CCDC91: variants seen among roughly 807,000 people sequenced by gnomAD.
The protein encoded by CCDC91 is coiled-coil domain-containing protein 91.
A neutral mutation model predicts 63.2 loss-of-function variants in CCDC91; 48 were observed. The observed-to-expected ratio is 0.76, with a 90% CI of 0.60 to 0.97. The LOEUF (loss-of-function observed/expected upper bound fraction) is 0.97, where lower values mean the gene tolerates loss of function less well. Ranked by LOEUF, CCDC91 falls within the 50% of genes least tolerant of loss-of-function variation. CCDC91 has a pLI of 0.00. For missense variants in CCDC91, 500 were observed against 494.6 expected, an observed-to-expected ratio of 1.01 and a Z score of -0.10; for synonymous variants, 167 against 165.8, an observed-to-expected ratio of 1.01 and a Z score of -0.06.
In CCDC91 at chr12:28,357,002, A is replaced by T. The variant is rs540268108; in HGVS notation, c.577-5436A>T. On this transcript the variant is annotated intron_variant, in intron 6 of 12. Coordinates refer to ENST00000536442, the MANE Select transcript of CCDC91 (RefSeq NM_018318.5). ...CAGAGGATCCTGTTGCTATGCATGA[A>T]TTAATTTCTTAGAAGTGATTAGTAG... is the stretch of plus-strand genomic sequence containing the variant. Among the ~76,000 whole-genome samples, 122 of 152,288 alleles carry T rather than the reference A, an allele frequency of 8.0e-4. 2 individuals carry two copies. The highest frequency in any genetic ancestry group is 2.8e-3 in the African/African-American group (117 of 41,572).
At chr12:28,501,740 T>G (rs1286806613) in intron 12 of CCDC91, among the ~76,000 whole-genome samples, 1 of 151,940 alleles carries the variant, frequency 6.6e-6, no homozygotes, top group East Asian at 1.9e-4. Flanking sequence ...TTAGGGAGGA[T>G]TCCCTCTTTT....
At chr12:28,336,693 AAGT>A (rs1942007847) in intron 6 of CCDC91, among the ~76,000 whole-genome samples, 1 of 152,110 alleles carries the variant, frequency 6.6e-6, no homozygotes, top group South Asian at 2.1e-4. Context: ...TAAAACATGA[AAGT>A]AGACAGGAGA....
At chr12:28,417,034 C>T (rs1029066110) in intron 8 of CCDC91, among the ~76,000 whole-genome samples, 2 of 152,062 alleles carry the variant, frequency 1.3e-5, no homozygotes, top group African/African-American at 4.8e-5. Flanking sequence ...TACCACTCCT[C>T]CTCTTTCTAG....
intron 3 of CCDC91, among the ~76,000 whole-genome samples, chr12:28,289,699 T>TC (rs1204819833): frequency 5.1e-4 from 46 of 90,580 alleles, no homozygotes; most frequent in African/African-American, 1.3e-3. Flanking sequence ...TTTTTTTTTT[T>TC]TTTTTTTTTG....
chr12:28,352,541 A>C (rs1177830810), intron 6 of CCDC91, among the ~76,000 whole-genome samples: 1 of 152,090 alleles, frequency 6.6e-6, no homozygotes, highest in Non-Finnish European at 1.5e-5. Flanking sequence ...TCAAGAAACC[A>C]CTTTCTTTGT....
chr12:28,522,860 C>T (rs1163866646), intron 12 of CCDC91, among the ~76,000 whole-genome samples: 1 of 152,162 alleles, frequency 6.6e-6, no homozygotes, highest in Non-Finnish European at 1.5e-5. Flanking sequence ...GCAGGTTGTT[C>T]AGTTTCCATG....
In CCDC91 at chr12:28,462,708, T is replaced by G. The variant is rs879673083; in HGVS notation, c.1101+10054T>G. On this transcript the variant is annotated intron_variant, in intron 11 of 12. Transcript: ENST00000536442. Reference sequence around the variant, plus strand: ...CATAAAGACTATGCTATGTCATAAATATAGTCTGTGGTTTCAAAGGGATAT... The same window carrying G: ...CATAAAGACTATGCTATGTCATAAAGATAGTCTGTGGTTTCAAAGGGATAT... 9.2e-5 allele frequency among the ~76,000 whole-genome samples: 14 copies of G among 152,148 alleles called. No individual in the cohort carries two copies. In the East Asian group the frequency reaches 2.7e-3, roughly 29 times the overall value.
chr12:28,394,062 G>A (rs1592535129), intron 8 of CCDC91, among the ~76,000 whole-genome samples: 1 of 152,194 alleles, frequency 6.6e-6, no homozygotes, highest in Non-Finnish European at 1.5e-5. Context: ...ATGACGTAAC[G>A]AAATGGAAAG....
intron 7 of CCDC91, among the ~76,000 whole-genome samples, chr12:28,379,854 C>T (rs1394818679): frequency 1.1e-4 from 17 of 152,218 alleles, no homozygotes; most frequent in Non-Finnish European, 1.8e-4. Flanking sequence ...CACATGCACA[C>T]GTATGTTTAT....
intron 12 of CCDC91, among the ~76,000 whole-genome samples, chr12:28,523,770 G>A (rs1221193213): frequency 6.6e-6 from 1 of 152,086 alleles, no homozygotes; most frequent in Admixed American, 6.6e-5. Context: ...GGCAGGCCTG[G>A]TGTTGACAAA....
At chr12:28,228,213 A>G (rs775349538) in intron 1 of CCDC91, among the ~76,000 whole-genome samples, 8 of 152,044 alleles carry the variant, frequency 5.3e-5, no homozygotes, top group Non-Finnish European at 1.0e-4. Context: ...CCTTTTGGCT[A>G]TGTCTTTGCC....
chr12:28,336,817 A>C (rs1315560398), intron 6 of CCDC91, among the ~76,000 whole-genome samples: 1 of 152,146 alleles, frequency 6.6e-6, no homozygotes, highest in Non-Finnish European at 1.5e-5. Context: ...AGAGGAAAAA[A>C]AGTAGTCCTT....
In CCDC91 at chr12:28,335,131, A is replaced by G. The variant is rs1238289490; in HGVS notation, c.577-27307A>G. ...ATATACATTTATATTTTATACATAT[A>G]TTTATATTATATATATTTATAACAT... is the stretch of plus-strand genomic sequence containing the variant. On this transcript the variant is annotated intron_variant, in intron 6 of 12. Transcript: ENST00000536442. Among the ~76,000 whole-genome samples, 5 of 142,830 alleles carry G rather than the reference A, an allele frequency of 3.5e-5. No homozygotes were observed. In the East Asian group the frequency reaches 7.9e-4, roughly 23 times the overall value. The allele number at this position is 142,830 out of a possible 152,430, so 93.7% of individuals were successfully genotyped here. A position where few individuals can be genotyped will look rare whatever the true frequency, so the allele number is the denominator to read the frequency against.
intron 8 of CCDC91, chr12:28,412,856 A>G (rs1386794695): frequency 2.3e-6 from 1 of 443,730 alleles, no homozygotes; most frequent in African/African-American, 2.0e-5. Context: ...ATCCTCTTGT[A>G]AGACAGGAAA....
chr12:28,237,235 T>TACACACACACACACAAAC (rs1945012940), intron 1 of CCDC91, among the ~76,000 whole-genome samples: 1 of 143,024 alleles, frequency 7.0e-6, no homozygotes, highest in Non-Finnish European at 1.5e-5. Flanking sequence ...GTATTACACA[T>TACACACACACACACAAAC]ACACACACAC....
intron 8 of CCDC91, among the ~76,000 whole-genome samples, chr12:28,402,462 T>C (rs1946678828): frequency 6.6e-6 from 1 of 151,704 alleles, no homozygotes; most frequent in Non-Finnish European, 1.5e-5. Context: ...GTATTTGACT[T>C]TTTTGTATAT....
At chr12:28,338,479 G>A (rs1164268703) in intron 6 of CCDC91, among the ~76,000 whole-genome samples, 1 of 152,108 alleles carries the variant, frequency 6.6e-6, no homozygotes, top group Non-Finnish European at 1.5e-5. Flanking sequence ...ATAAGATTGT[G>A]CTTGATGTGC....
chr12:28,373,035 T>G (rs1210966573), intron 7 of CCDC91, among the ~76,000 whole-genome samples: 1 of 152,154 alleles, frequency 6.6e-6, no homozygotes, highest in Non-Finnish European at 1.5e-5. Flanking sequence ...TCCTTTAGTA[T>G]TTATTATAAG....
chr12:28,482,466 TA>T (rs1951499414), intron 11 of CCDC91, among the ~76,000 whole-genome samples: 1 of 151,820 alleles, frequency 6.6e-6, no homozygotes, highest in Non-Finnish European at 1.5e-5. Flanking sequence ...AGGAAGGGAA[TA>T]AAAAATAAGT....
Sources: allele counts gnomAD v4.1 joint callset (sites outside exome capture counted in the v4.1 genomes callset), GRCh38; gene constraint gnomAD v4.1.1; transcripts MANE v1.5; gene names NCBI Gene and HGNC (gene_info 2026-07-23, HGNC 2026-07-21).